The following PSTPIP1 variants were observed in gnomAD, a reference collection of about 807,000 sequenced individuals.
PSTPIP1 encodes the protein proline-serine-threonine phosphatase-interacting protein 1.
Under a neutral mutation model 69.6 loss-of-function variants are expected in PSTPIP1, and 66 were observed. That is an observed-to-expected ratio of 0.95 (90% CI 0.78 to 1.16). PSTPIP1 has a LOEUF of 1.16. PSTPIP1 is among the 50% of genes most tolerant of loss of function. The probability of loss-of-function intolerance (pLI) is 0.00; values close to 1 mark genes in which losing one functional copy is unlikely to be tolerated. For missense variants in PSTPIP1, 603 were observed against 557.4 expected, an observed-to-expected ratio of 1.08 and a Z score of -0.82; for synonymous variants, 266 against 222.7, an observed-to-expected ratio of 1.19 and a Z score of -1.73.
chr15:77,028,063 T>C (rs2076325261), intron 6 of PSTPIP1, 149 bp downstream of exon 6: 4 of 764,174 alleles, frequency 5.2e-6, no homozygotes, highest in Non-Finnish European at 6.5e-6. Flanking sequence ...CGCACCAGCC[T>C]GCGGGGCGCT....
chr15:77,031,454 C>G (rs2076414804), intron 10 of PSTPIP1, 176 bp downstream of exon 10: 7 of 572,124 alleles, frequency 1.2e-5, no homozygotes, highest in Non-Finnish European at 1.9e-5. Flanking sequence ...GACAGGAGCT[C>G]AGTACCACAC....
At chr15:77,030,063 G>A (rs1161608099) in intron 8 of PSTPIP1, among the ~76,000 whole-genome samples, 1 of 152,000 alleles carries the variant, frequency 6.6e-6, no homozygotes, top group Admixed American at 6.6e-5. Context: ...CTTCTGCTCT[G>A]CCTTTACTGG....
At chr15:77,012,410 T>C (rs928039159) in intron 1 of PSTPIP1, among the ~76,000 whole-genome samples, 78 of 36,142 alleles carry the variant, frequency 2.2e-3, no homozygotes, top group Middle Eastern at 0.02. Flanking sequence ...CCCACCCATC[T>C]ACCCATCCAC....
intron 3 of PSTPIP1, among the ~76,000 whole-genome samples, chr15:77,021,112 A>C (rs1426020152): frequency 6.6e-6 from 1 of 152,204 alleles, no homozygotes; most frequent in Non-Finnish European, 1.5e-5. Flanking sequence ...CAGGTGGTTA[A>C]GTGACCCTAT....
chr15:77,022,171 A>G (rs911892954), intron 3 of PSTPIP1, among the ~76,000 whole-genome samples: 1 of 152,174 alleles, frequency 6.6e-6, no homozygotes, highest in Non-Finnish European at 1.5e-5. Flanking sequence ...GAACTCAGAG[A>G]GAATGACGAC....
chr15:77,032,198 C>T (rs2076434322), intron 10 of PSTPIP1, 100 bp from the exon 11 acceptor site: 4 of 1,218,464 alleles, frequency 3.3e-6, no homozygotes, highest in Non-Finnish European at 4.7e-6. Context: ...GCACAATGGC[C>T]TGTGAGGAGG....
chr15:77,005,574 GA>G (rs2075798826), intron 1 of PSTPIP1, among the ~76,000 whole-genome samples: 1 of 152,146 alleles, frequency 6.6e-6, no homozygotes. Flanking sequence ...GAGGCATTAA[GA>G]ACATTCACTA....
intron 12 of PSTPIP1, among the ~76,000 whole-genome samples, chr15:77,035,085 G>A (rs1010469661): frequency 6.6e-6 from 1 of 152,236 alleles, no homozygotes; most frequent in Non-Finnish European, 1.5e-5. Flanking sequence ...ACCCATGGGG[G>A]AAGCTGCTAG....
chr15:76,995,177 G>A lies in PSTPIP1; in HGVS notation c.-397G>A, dbSNP rs1004784708. The A allele has an allele frequency of 2.4e-5, 23 of 943,492 alleles. No homozygotes were observed. The highest frequency in any genetic ancestry group is 3.3e-5 in the African/African-American group (2 of 59,812). 58.4% of individuals were successfully genotyped at this position (943,492 alleles called of 1,614,324 possible). A position where few individuals can be genotyped will look rare whatever the true frequency, so the allele number is the denominator to read the frequency against. On this transcript the variant is annotated 5_prime_UTR_variant, in exon 1 of 15. Coordinates refer to ENST00000558012, the MANE Select transcript of PSTPIP1 (RefSeq NM_003978.5). The stretch of plus-strand genomic sequence containing the variant: ...GCCTGCCTGCCTGCCTGCCTGGCCC[G>A]GCCCGAGCTCCAGCCTGCCTCTTCC...
intron 5 of PSTPIP1, 100 bp downstream of exon 5, chr15:77,025,704 G>A: frequency 2.2e-6 from 2 of 914,040 alleles, no homozygotes; most frequent in Non-Finnish European, 3.3e-6. Context: ...GCCAGTGGAG[G>A]GCGGCAGGGG....
chr15:77,000,550 C>T (rs2075686254), intron 1 of PSTPIP1, among the ~76,000 whole-genome samples: 1 of 151,212 alleles, frequency 6.6e-6, no homozygotes, highest in South Asian at 2.1e-4. Flanking sequence ...AATATAAGAT[C>T]CTAAAAGGAA....
chr15:77,010,186 A>C (rs2075905096), intron 1 of PSTPIP1, among the ~76,000 whole-genome samples: 1 of 152,072 alleles, frequency 6.6e-6, no homozygotes, highest in African/African-American at 2.4e-5. Context: ...TGAGCCTCCA[A>C]CTGCCAAATC....
intron 6 of PSTPIP1, chr15:77,028,229 G>A (rs953719708): frequency 5.9e-6 from 3 of 511,442 alleles, no homozygotes; most frequent in African/African-American, 3.9e-5. Flanking sequence ...TGGACAGGAA[G>A]GGAGAGGGGC....
rs1035113783 is a variant in PSTPIP1 at position 77,027,921 on chromosome 15, G to C, written c.417+7G>C. 1 of 1,554,736 alleles carries C rather than the reference G, an allele frequency of 6.4e-7. No individual in the cohort carries two copies. The highest frequency in any genetic ancestry group is 1.7e-4 in the Middle Eastern group (1 of 5,916). ...CTACAAGAAGGCCATGGAGGTGAGC[G>C]CCAGGGCCTGGGGCCGCGGCCTTCC... is the stretch of plus-strand genomic sequence containing the variant. On this transcript the variant is annotated splice_region_variant and intron_variant, in intron 6 of 14. Coordinates refer to ENST00000558012, the MANE Select transcript of PSTPIP1 (RefSeq NM_003978.5). This position sits in a 1 kb window ranked among gnomAD's most constrained non-coding sequence, Gnocchi z 4.3.
intron 8 of PSTPIP1, 98 bp from the exon 9 acceptor site, chr15:77,030,404 G>A: frequency 7.9e-7 from 1 of 1,270,956 alleles, no homozygotes; most frequent in Non-Finnish European, 1.1e-6. Flanking sequence ...GGGAGGCGGG[G>A]CTCCCAGTGG....
At chr15:77,015,258 C>A (rs1047508854) in intron 1 of PSTPIP1, among the ~76,000 whole-genome samples, 2 of 152,152 alleles carry the variant, frequency 1.3e-5, no homozygotes, top group Non-Finnish European at 2.9e-5. Context: ...TACTAAATGG[C>A]TGATGTAGGT....
chr15:77,018,676 G>A (rs879745524), intron 3 of PSTPIP1, 145 bp downstream of exon 3: 36 of 880,194 alleles, frequency 4.1e-5, no homozygotes, highest in Non-Finnish European at 5.9e-5. Context: ...CTGGTTATTG[G>A]GCATTCAGGG....
At chr15:77,030,127 A>C (rs1450547088) in intron 8 of PSTPIP1, among the ~76,000 whole-genome samples, 3 of 152,154 alleles carry the variant, frequency 2.0e-5, no homozygotes, top group Non-Finnish European at 4.4e-5. Flanking sequence ...ATCTGGGCAC[A>C]GAAGTTGTGA....
rs200188483 is a variant in PSTPIP1, at chr15:77,035,931, C to T, written c.1115C>T (p.Ala372Val). The T allele has an allele frequency of 6.3e-5, 100 of 1,599,614 alleles. 1 individual carries two copies. The Middle Eastern group carries it at 8.2e-4, about 13-fold the overall frequency. The change falls in exon 14 of 15, where the codon GCG becomes GTG. Residue 372 changes from alanine to valine, a missense_variant. Ala to Val is a moderately conservative substitution (Grantham distance 64). Coordinates refer to ENST00000558012, the MANE Select transcript of PSTPIP1 (RefSeq NM_003978.5). ...QEYRALYDYT[A>V]QNPDELDLSA... ...TACCGGGCGCTCTACGATTATACAGCGCAGGTGAGGCCTCTATACCCCAAA... is the reference window on the plus strand; with the variant it reads ...TACCGGGCGCTCTACGATTATACAGTGCAGGTGAGGCCTCTATACCCCAAA...
Sources: gnomAD v4.1 joint callset for allele counts (sites outside exome capture counted in the v4.1 genomes callset) on GRCh38, gnomAD v4.1.1 for gene constraint, Gnocchi (gnomAD v3.1) non-coding constraint, MANE v1.5 for transcripts, NCBI Gene and HGNC (gene_info 2026-07-23, HGNC 2026-07-21) for gene names.